CNTN5: variants seen among roughly 807,000 people sequenced by gnomAD.
CNTN5 encodes contactin 5, also known as contactin-5.
CNTN5 carries 77 observed loss-of-function variants against 129.1 expected under a neutral mutation model. The ratio of observed to expected loss-of-function variants is 0.60; its 90% CI spans 0.50 to 0.72. The LOEUF is 0.72. CNTN5 is among the 30% of genes least tolerant of loss of function. The pLI, the probability that CNTN5 is intolerant of heterozygous loss-of-function variation, is 0.00. For synonymous variants in CNTN5, 509 were observed against 465.6 expected (o/e 1.09, Z -1.20); for missense variants, 1,478 against 1,328.8 (o/e 1.11, Z -1.75).
At chr11:99,580,214 T>A (rs191601171) in intron 3 of CNTN5, among the ~76,000 whole-genome samples, 2,042 of 152,214 alleles carry the variant, frequency 0.013, 49 homozygotes, top group African/African-American at 0.044. Flanking sequence ...TTTTGATGTG[T>A]TGCTGGATTC....
chr11:100,099,749 A>G (rs1945154759), intron 13 of CNTN5, among the ~76,000 whole-genome samples: 1 of 151,880 alleles, frequency 6.6e-6, no homozygotes, highest in Admixed American at 6.6e-5. Context: ...AGAATTCATC[A>G]TTATCTCCTC....
At chr11:99,856,884 C>T (rs1313499651) in intron 6 of CNTN5, among the ~76,000 whole-genome samples, 1 of 152,138 alleles carries the variant, frequency 6.6e-6, no homozygotes, top group East Asian at 1.9e-4. Flanking sequence ...AAAAGTATTT[C>T]ATGCTCATTT....
chr11:100,286,162 G>T (rs549143390), intron 18 of CNTN5, among the ~76,000 whole-genome samples: 19 of 152,100 alleles, frequency 1.2e-4, no homozygotes, highest in African/African-American at 3.8e-4. Flanking sequence ...ACTGCAAGGT[G>T]GCAGCCAGGC....
At chr11:99,359,873 A>T (rs73543107) in intron 2 of CNTN5, among the ~76,000 whole-genome samples, 4,909 of 152,158 alleles carry the variant, frequency 0.032, 265 homozygotes, top group African/African-American at 0.11. Flanking sequence ...GGGTAACTGA[A>T]ACCAAGTATA....
At chr11:100,308,670 C>T (rs943172516) in intron 21 of CNTN5, 23 of 1,213,502 alleles carry the variant, frequency 1.9e-5, no homozygotes, top group East Asian at 1.1e-4. Flanking sequence ...CAGTAGCTTC[C>T]GTAGCACTAT....
intron 13 of CNTN5, among the ~76,000 whole-genome samples, chr11:100,140,390 T>C (rs1946657287): frequency 2.0e-5 from 3 of 152,026 alleles, no homozygotes; most frequent in African/African-American, 7.2e-5. Flanking sequence ...GGCAAGAACA[T>C]AGGAAGAAGT....
At chr11:99,335,428 T>C (rs182324751) in intron 2 of CNTN5, among the ~76,000 whole-genome samples, 11 of 152,052 alleles carry the variant, frequency 7.2e-5, no homozygotes, top group Non-Finnish European at 1.2e-4. Context: ...GCCAGACTGT[T>C]TTTGGAAGTT....
intron 3 of CNTN5, among the ~76,000 whole-genome samples, chr11:99,697,152 T>G (rs908632988): frequency 6.6e-6 from 1 of 151,862 alleles, no homozygotes; most frequent in Non-Finnish European, 1.5e-5. Context: ...AATAAGTAAA[T>G]GAGGGAGAAG....
chr11:99,399,749 AGTT>A (rs1052328068), intron 2 of CNTN5, among the ~76,000 whole-genome samples: 15 of 151,876 alleles, frequency 9.9e-5, no homozygotes, highest in African/African-American at 2.9e-4. Flanking sequence ...TGGTTTTTTT[AGTT>A]GTTCAATTAT....
intron 3 of CNTN5, among the ~76,000 whole-genome samples, chr11:99,684,032 C>T (rs903718203): frequency 6.6e-6 from 1 of 151,686 alleles, no homozygotes; most frequent in African/African-American, 2.4e-5. Flanking sequence ...AGGTATAATA[C>T]ATATCTTGAC....
At chr11:99,475,741 C>A (rs1037546264) in intron 2 of CNTN5, among the ~76,000 whole-genome samples, 1 of 151,440 alleles carries the variant, frequency 6.6e-6, no homozygotes, top group Admixed American at 6.6e-5. Context: ...GTTTCTAATT[C>A]TAATAATTTT....
intron 3 of CNTN5, among the ~76,000 whole-genome samples, chr11:99,767,553 G>C (rs992566684): frequency 1.3e-5 from 2 of 151,454 alleles, no homozygotes; most frequent in African/African-American, 4.8e-5. Flanking sequence ...GCCCACATTT[G>C]ATATGCAAAT....
intron 7 of CNTN5, among the ~76,000 whole-genome samples, chr11:99,952,114 C>T (rs1157921227): frequency 6.6e-6 from 1 of 152,098 alleles, no homozygotes; most frequent in Non-Finnish European, 1.5e-5. Flanking sequence ...AAATATATTT[C>T]CCACCAATTT....
At chr11:100,020,536 T>G (rs781484078) in intron 9 of CNTN5, among the ~76,000 whole-genome samples, 2 of 152,108 alleles carry the variant, frequency 1.3e-5, no homozygotes, top group Admixed American at 1.3e-4. Context: ...GTTATAACTT[T>G]GTGGTAGATT....
At chr11:99,787,361 A>G (rs77785325) in intron 3 of CNTN5, among the ~76,000 whole-genome samples, 1,748 of 151,808 alleles carry the variant, frequency 0.012, 33 homozygotes, top group African/African-American at 0.04. Context: ...CTTAACATAA[A>G]TGTTATATAT....
intron 1 of CNTN5, among the ~76,000 whole-genome samples, chr11:99,236,661 G>T (rs1020808728): frequency 5.3e-5 from 8 of 152,142 alleles, no homozygotes; most frequent in Admixed American, 5.2e-4. Flanking sequence ...AGGATTAGAA[G>T]AGTGGCCAAG....
At chr11:99,639,559 GTTTTTTTTT>G (rs71050010) in intron 3 of CNTN5, among the ~76,000 whole-genome samples, 297 of 70,310 alleles carry the variant, frequency 4.2e-3, no homozygotes, top group African/African-American at 0.016. Flanking sequence ...TCACCTTTAT[GTTTTTTTTT>G]TTTTTTTTTT....
At chr11:99,704,035 TTATATGTGTGTATATATA>T (rs975500299) in intron 3 of CNTN5, among the ~76,000 whole-genome samples, 1 of 150,318 alleles carries the variant, frequency 6.7e-6, no homozygotes, top group Non-Finnish European at 1.5e-5. Flanking sequence ...CAATAAATAA[TTATATGTGTGTATATATA>T]TATATGTGTG....
intron 8 of CNTN5, among the ~76,000 whole-genome samples, chr11:99,979,312 TC>T (rs1455726961): frequency 1.3e-5 from 2 of 152,114 alleles, no homozygotes; most frequent in Admixed American, 6.6e-5. Context: ...GGAACTGAAC[TC>T]CACAGGGCCC....
Sources: allele counts gnomAD v4.1 joint callset (sites outside exome capture counted in the v4.1 genomes callset), GRCh38; gene constraint gnomAD v4.1.1; transcripts MANE v1.5; gene names NCBI Gene and HGNC (gene_info 2026-07-23, HGNC 2026-07-21).